The following SERGEF variants were observed in gnomAD, a reference collection of about 807,000 sequenced individuals.
The protein encoded by SERGEF is secretion regulating guanine nucleotide exchange factor.
A neutral mutation model predicts 50.0 loss-of-function variants in SERGEF; 51 were observed. The ratio of observed to expected loss-of-function variants is 1.02; its 90% confidence interval spans 0.81 to 1.29. The LOEUF (loss-of-function observed/expected upper bound fraction) is 1.29. Ranked by LOEUF, SERGEF falls within the 50% of genes most tolerant of loss-of-function variation. The probability of loss-of-function intolerance (pLI) is 0.00; values close to 1 mark genes in which losing one functional copy is unlikely to be tolerated. For synonymous variants in SERGEF, 205 were observed against 212.4 expected (o/e 0.97, Z 0.30); for missense variants, 521 against 557.0 (o/e 0.94, Z 0.65).
chr11:17,891,517 A>T (rs2133911046), intron 9 of SERGEF, among the ~76,000 whole-genome samples: 1 of 152,352 alleles, frequency 6.6e-6, no homozygotes, highest in South Asian at 2.1e-4. Context: ...TAACCAGAAT[A>T]TTAAAACATG....
At chr11:17,840,827 C>T (rs906309340) in intron 10 of SERGEF, among the ~76,000 whole-genome samples, 13 of 152,144 alleles carry the variant, frequency 8.5e-5, no homozygotes, top group African/African-American at 2.2e-4. Context: ...CTGGGGCTGT[C>T]GCTTCTGAAG....
chr11:17,799,275 C>T (rs983861848), intron 10 of SERGEF, among the ~76,000 whole-genome samples: 5 of 152,290 alleles, frequency 3.3e-5, no homozygotes, highest in African/African-American at 9.6e-5. Flanking sequence ...CCTGAGGCCA[C>T]ATTCGCTGCT....
intron 8 of SERGEF, among the ~76,000 whole-genome samples, chr11:17,965,167 TC>T (rs745859338): frequency 3.9e-5 from 6 of 152,218 alleles, no homozygotes; most frequent in Non-Finnish European, 8.8e-5. Context: ...GGGGTCAGTT[TC>T]CCCCATGCTG....
chr11:17,971,725 G>A (rs1308579097), intron 8 of SERGEF, among the ~76,000 whole-genome samples: 6 of 152,174 alleles, frequency 3.9e-5, no homozygotes, highest in African/African-American at 1.4e-4. Flanking sequence ...GGATCAAGGA[G>A]TCATTTTGTC....
At chr11:17,885,982 C>T (rs78750211) in intron 9 of SERGEF, among the ~76,000 whole-genome samples, 3,153 of 152,156 alleles carry the variant, frequency 0.021, 165 homozygotes, top group East Asian at 0.2. Context: ...AGCTTGGACA[C>T]GAGTATGGGG....
rs187001088 is a variant in SERGEF, at chr11:17,888,075, A to G, written c.1012-9831T>C. The stretch of plus-strand genomic sequence containing the variant: ...TGTGAACTCCGCGTGGGAGGGATCT[A>G]GGCTGCGCAATCCTTATGAGACTCT... On this transcript the variant is annotated intron_variant, in intron 9 of 10. Transcript: ENST00000265965. This position sits in a 1 kb window ranked among gnomAD's most constrained non-coding sequence, Gnocchi z 4.1. Among the ~76,000 whole-genome samples, 1 of 152,300 alleles carries G rather than the reference A, an allele frequency of 6.6e-6. No individual in the cohort carries two copies. Among genetic ancestry groups the G allele is most frequent in the Admixed American group, 6.5e-5 (1 of 15,296 alleles).
chr11:17,854,784 G>C (rs1378555866), intron 10 of SERGEF: 1 of 152,170 alleles, frequency 6.6e-6, no homozygotes, highest in Non-Finnish European at 1.5e-5. Flanking sequence ...ATAACATTTT[G>C]TTTCTCACCT....
chr11:17,918,691 C>A, intron 9 of SERGEF: 2 of 454,848 alleles, frequency 4.4e-6, no homozygotes, highest in South Asian at 3.1e-5. Flanking sequence ...TTCTCTCCCC[C>A]TACCTACTGG....
chr11:17,800,731 C>A (rs1297798995), intron 10 of SERGEF, among the ~76,000 whole-genome samples: 1 of 152,128 alleles, frequency 6.6e-6, no homozygotes, highest in Non-Finnish European at 1.5e-5. Context: ...TGAGTTGCGA[C>A]CTGTAGGACA....
At chr11:17,848,083 T>C (rs2133869143) in intron 10 of SERGEF, among the ~76,000 whole-genome samples, 1 of 152,316 alleles carries the variant, frequency 6.6e-6, no homozygotes, top group Non-Finnish European at 1.5e-5. Context: ...TATTGAGTGA[T>C]TATTAAATGC....
intron 9 of SERGEF, among the ~76,000 whole-genome samples, chr11:17,930,296 GAA>G (rs1457813924): frequency 1.3e-5 from 2 of 152,222 alleles, no homozygotes; most frequent in African/African-American, 4.8e-5. Flanking sequence ...CTATAGTTAC[GAA>G]AGAGTTGACA....
chr11:17,815,436 T>TA (rs763972184), intron 10 of SERGEF, among the ~76,000 whole-genome samples: 1,509 of 108,346 alleles, frequency 0.014, 21 homozygotes, highest in African/African-American at 0.032. Flanking sequence ...CCATCTCTAC[T>TA]AAAAAAAAAA....
chr11:17,969,650 G>T (rs994376732), intron 8 of SERGEF, among the ~76,000 whole-genome samples: 1 of 152,178 alleles, frequency 6.6e-6, no homozygotes, highest in Non-Finnish European at 1.5e-5. Context: ...TGTTTTGGTA[G>T]AACCAGAACT....
At chr11:17,886,834 A>G (rs1248626368) in intron 9 of SERGEF, among the ~76,000 whole-genome samples, 1 of 152,144 alleles carries the variant, frequency 6.6e-6, no homozygotes, top group African/African-American at 2.4e-5. Context: ...GAATGTCTTC[A>G]TCATAAATGG....
At chr11:17,882,073 C>A (rs1740000785) in intron 9 of SERGEF, among the ~76,000 whole-genome samples, 1 of 152,208 alleles carries the variant, frequency 6.6e-6, no homozygotes, top group South Asian at 2.1e-4. Flanking sequence ...GCATGCTATG[C>A]TCCTTGCCTG....
chr11:17,961,380 A>G (rs1317079762), intron 8 of SERGEF, among the ~76,000 whole-genome samples: 1 of 152,196 alleles, frequency 6.6e-6, no homozygotes, highest in East Asian at 1.9e-4. Flanking sequence ...TTCTAACCAG[A>G]TTGCTCAGCA....
chr11:17,893,378 T>C (rs1851567826), intron 9 of SERGEF, among the ~76,000 whole-genome samples: 3 of 152,174 alleles, frequency 2.0e-5, no homozygotes, highest in African/African-American at 7.2e-5. Context: ...CCCCACCAGA[T>C]AGTGAAGATT....
chr11:17,872,536 A>C (rs985860253), intron 10 of SERGEF, among the ~76,000 whole-genome samples: 3 of 152,212 alleles, frequency 2.0e-5, no homozygotes, highest in African/African-American at 7.2e-5. Context: ...ATACCTTGCT[A>C]GTGGAAGTGA....
chr11:17,942,590 C>A (rs1852582485), intron 9 of SERGEF, among the ~76,000 whole-genome samples: 1 of 152,020 alleles, frequency 6.6e-6, no homozygotes, highest in Admixed American at 6.6e-5. Context: ...TGATTTTAAG[C>A]CTTTTATTGC....
Sources: allele counts gnomAD v4.1 joint callset (sites outside exome capture counted in the v4.1 genomes callset), GRCh38; gene constraint gnomAD v4.1.1; non-coding constraint Gnocchi (gnomAD v3.1); transcripts MANE v1.5; gene names NCBI Gene and HGNC (gene_info 2026-07-23, HGNC 2026-07-21).